SMOC2: variants seen among roughly 807,000 people sequenced by gnomAD.
SMOC2 encodes the protein SPARC-related modular calcium-binding protein 2.
In SMOC2, 39 loss-of-function variants were observed where a neutral mutation model predicts 61.4. The ratio of observed to expected loss-of-function variants is 0.64; its 90% CI spans 0.49 to 0.83. SMOC2 has a LOEUF of 0.83. Among genes scored for constraint, SMOC2 ranks in the 40% least tolerant of loss-of-function variants. The pLI is 0.00. For synonymous variants in SMOC2, 247 were observed against 239.9 expected, an observed-to-expected ratio of 1.03 and a Z score of -0.27; for missense variants, 556 against 592.9, an observed-to-expected ratio of 0.94 and a Z score of 0.65.
intron 8 of SMOC2, among the ~76,000 whole-genome samples, chr6:168,606,962 T>C (rs534334349): frequency 6.6e-6 from 1 of 152,000 alleles, no homozygotes; most frequent in African/African-American, 2.4e-5. Flanking sequence ...GGAGCCGCCA[T>C]GCAGCATGAG....
At chr6:168,565,132 C>T (rs73789112) in intron 7 of SMOC2, among the ~76,000 whole-genome samples, 2,137 of 152,318 alleles carry the variant, frequency 0.014, 46 homozygotes, top group African/African-American at 0.049. Flanking sequence ...GACAACTCTG[C>T]CTGTAAATAA....
At chr6:168,540,157 T>G (rs1023410871) in intron 4 of SMOC2, among the ~76,000 whole-genome samples, 6 of 152,244 alleles carry the variant, frequency 3.9e-5, no homozygotes, top group Non-Finnish European at 8.8e-5. Flanking sequence ...TAGTGCTGCG[T>G]CCCTGCCGTC....
At chr6:168,616,236 C>T (rs1435349205) in intron 9 of SMOC2, among the ~76,000 whole-genome samples, 1 of 152,208 alleles carries the variant, frequency 6.6e-6, no homozygotes, top group Non-Finnish European at 1.5e-5. Context: ...AACAAAGCTT[C>T]AGGCTTTAGA....
At position 168,653,137 on chromosome 6, in the gene SMOC2, G is replaced by A. The variant is rs747742609; in HGVS notation, c.1194G>A (p.Val398=). The change falls in exon 11 of 13, where the codon GTG becomes GTA. Residue 398 remains valine, a synonymous_variant. Coordinates refer to ENST00000356284, the MANE Select transcript of SMOC2 (RefSeq NM_001166412.2). ...AGAAGTTTGTTGAATACTGTGACGT[G>A]AATAATGACAAATCCATCTCCGTAC... ...CVKKFVEYCD[V]NNDKSISVQE... The A allele has an allele frequency of 1.2e-6, 2 of 1,614,210 alleles. No individual in the cohort carries two copies. The highest frequency in any genetic ancestry group is 1.7e-6 in the Non-Finnish European group (2 of 1,180,034).
chr6:168,591,842 TC>T (rs1785188143), intron 7 of SMOC2, among the ~76,000 whole-genome samples: 1 of 151,304 alleles, frequency 6.6e-6, no homozygotes, highest in Non-Finnish European at 1.5e-5. Context: ...TGACATATTT[TC>T]ATCTAATATA....
At chr6:168,545,872 C>T (rs1783984111) in intron 5 of SMOC2, among the ~76,000 whole-genome samples, 1 of 152,138 alleles carries the variant, frequency 6.6e-6, no homozygotes, top group Admixed American at 6.5e-5. Flanking sequence ...TTTGTATGTT[C>T]TTGTGTTTAA....
rs376396523 is a variant in SMOC2, at chr6:168,598,813, C to G, written c.638-5C>G. On this transcript the variant is annotated splice_polypyrimidine_tract_variant and splice_region_variant and intron_variant, in intron 7 of 12. Transcript: ENST00000356284. The stretch of plus-strand genomic sequence containing the variant: ...GCTCACCTTTTGCCTTCTTCTTCCC[C>G]GCAGTGTCATCCTGTGACCAAGAGC... 2 of 1,613,536 alleles carry G rather than the reference C, an allele frequency of 1.2e-6. No homozygotes were observed. Among genetic ancestry groups the G allele is most frequent in the African/African-American group, 1.3e-5 (1 of 74,990 alleles).
At chr6:168,446,383 G>A (rs1781333516) in intron 1 of SMOC2, among the ~76,000 whole-genome samples, 1 of 152,034 alleles carries the variant, frequency 6.6e-6, no homozygotes, top group South Asian at 2.1e-4. Flanking sequence ...AAAAACAAAA[G>A]ATAAACTGTT....
intron 8 of SMOC2, among the ~76,000 whole-genome samples, chr6:168,601,787 G>GC (rs1409121936): frequency 1.3e-5 from 2 of 152,276 alleles, no homozygotes; most frequent in African/African-American, 4.8e-5. Context: ...TGAAGAACCT[G>GC]CCAACGTCCA....
At position 168,666,563 on chromosome 6, in the gene SMOC2, T is replaced by G. The variant is rs771142354; in HGVS notation, c.*125T>G. The G allele has an allele frequency of 4.6e-6, 5 of 1,077,290 alleles. No homozygotes were observed. The highest frequency in any genetic ancestry group is 5.6e-6 in the Non-Finnish European group (4 of 713,352). 66.7% of individuals were successfully genotyped at this position (1,077,290 alleles called of 1,614,324 possible). A position where few individuals can be genotyped will look rare whatever the true frequency, so the allele number is the denominator to read the frequency against. ...TTGTACTTTAAATGTAAATTCACTT[T>G]GTAGAAATGAGCTATTTAAACAGAC... On this transcript the variant is annotated 3_prime_UTR_variant, in exon 13 of 13. Transcript: ENST00000356284.
chr6:168,615,009 TCA>T (rs1327385392), intron 9 of SMOC2, among the ~76,000 whole-genome samples: 2 of 62,680 alleles, frequency 3.2e-5, no homozygotes, highest in Non-Finnish European at 3.3e-5. Context: ...CAGGGCCTCT[TCA>T]TACCTACAGC....
chr6:168,459,775 G>C (rs1423377372), intron 1 of SMOC2, among the ~76,000 whole-genome samples: 1 of 144,636 alleles, frequency 6.9e-6, no homozygotes, highest in Non-Finnish European at 1.5e-5. Context: ...TGGGTGAGCC[G>C]GGGTGGTGAG....
chr6:168,589,687 G>A (rs12523904), intron 7 of SMOC2, among the ~76,000 whole-genome samples: 19 of 123,766 alleles, frequency 1.5e-4, no homozygotes, highest in South Asian at 3.0e-4. Flanking sequence ...GGGGGCAGCC[G>A]GCCTGGTGGT....
rs1171580951 is a variant in SMOC2, at chr6:168,636,900, C to T, written c.908-13781C>T. ...CCCGCCTCCCTCCTCCCACCTCCCT[C>T]CTGCCCGCATCCCTCCTCCCTCCTC... On this transcript the variant is annotated intron_variant, in intron 9 of 12. Coordinates refer to ENST00000356284, the MANE Select transcript of SMOC2 (RefSeq NM_001166412.2). 7.2e-5 allele frequency among the ~76,000 whole-genome samples: 9 copies of T among 124,162 alleles called. 1 individual carries two copies. The highest frequency in any genetic ancestry group is 1.5e-4 in the Non-Finnish European group (9 of 59,156). The allele number at this position is 124,162 out of a possible 152,430, so 81.5% of individuals were successfully genotyped here.
At chr6:168,647,520 G>A (rs547710519) in intron 9 of SMOC2, among the ~76,000 whole-genome samples, 7 of 152,228 alleles carry the variant, frequency 4.6e-5, no homozygotes, top group Non-Finnish European at 7.3e-5. Flanking sequence ...AGCCATCACC[G>A]TGCCGGACAC....
intron 9 of SMOC2, among the ~76,000 whole-genome samples, chr6:168,635,796 G>T: frequency 6.6e-6 from 1 of 151,248 alleles, no homozygotes; most frequent in East Asian, 2.0e-4. Context: ...GCTTGAACCC[G>T]GGAGGCAGAG....
intron 2 of SMOC2, among the ~76,000 whole-genome samples, chr6:168,513,129 A>T (rs1040813466): frequency 1.3e-5 from 2 of 152,226 alleles, no homozygotes; most frequent in African/African-American, 2.4e-5. Context: ...ACACATTGAA[A>T]CTTTGACTAT....
At chr6:168,591,979 C>T (rs1391023499) in intron 7 of SMOC2, among the ~76,000 whole-genome samples, 1 of 152,110 alleles carries the variant, frequency 6.6e-6, no homozygotes, top group Non-Finnish European at 1.5e-5. Flanking sequence ...TAGCCTACTC[C>T]ATCTGGAATC....
At chr6:168,497,208 G>A (rs369177710) in intron 1 of SMOC2, among the ~76,000 whole-genome samples, 1 of 152,214 alleles carries the variant, frequency 6.6e-6, no homozygotes. Flanking sequence ...TCCTTCCCTC[G>A]CAGAGGAGCC....
Sources: allele counts gnomAD v4.1 joint callset (sites outside exome capture counted in the v4.1 genomes callset), GRCh38; gene constraint gnomAD v4.1.1; transcripts MANE v1.5; gene names NCBI Gene and HGNC (gene_info 2026-07-23, HGNC 2026-07-21).